ATP8A2: variants seen among roughly 807,000 people sequenced by gnomAD.
The protein encoded by ATP8A2 is ATPase phospholipid transporting 8A2.
A neutral mutation model predicts 165.6 loss-of-function variants in ATP8A2; 100 were observed. That is an observed-to-expected ratio of 0.60 (90% CI 0.51 to 0.71). The LOEUF (loss-of-function observed/expected upper bound fraction) is 0.71, where lower values mean the gene tolerates loss of function less well. Among genes scored for constraint, ATP8A2 ranks in the 30% least tolerant of loss-of-function variants. ATP8A2 has a pLI of 0.00. For missense variants in ATP8A2, 1,227 were observed against 1,479.5 expected (o/e 0.83, Z 2.80); for synonymous variants, 543 against 548.8 (o/e 0.99, Z 0.15).
intron 27 of ATP8A2, among the ~76,000 whole-genome samples, chr13:25,815,125 T>A (rs1170579006): frequency 2.0e-5 from 3 of 152,030 alleles, no homozygotes; most frequent in Non-Finnish European, 4.4e-5. Flanking sequence ...AGGGGACAGT[T>A]TCATGACATT....
chr13:25,735,267 G>C (rs1429384050), intron 25 of ATP8A2, among the ~76,000 whole-genome samples: 1 of 151,766 alleles, frequency 6.6e-6, no homozygotes, highest in Non-Finnish European at 1.5e-5. Context: ...GAAGTTTTTT[G>C]TTTTTGTTTT....
intron 15 of ATP8A2, among the ~76,000 whole-genome samples, chr13:25,563,613 G>A (rs777172992): frequency 2.0e-5 from 3 of 152,136 alleles, no homozygotes; most frequent in Non-Finnish European, 4.4e-5. Context: ...TTTGCTGTGA[G>A]CAGACACTCT....
At chr13:25,968,795 G>T in intron 35 of ATP8A2, 116 bp downstream of exon 35, 1 of 778,936 alleles carries the variant, frequency 1.3e-6, no homozygotes, top group Non-Finnish European at 2.1e-6. Context: ...AGTATGCTCA[G>T]GCTTAAGAAT....
intron 24 of ATP8A2, among the ~76,000 whole-genome samples, chr13:25,669,681 A>G (rs558844499): frequency 1.6e-4 from 25 of 151,670 alleles, no homozygotes; most frequent in Non-Finnish European, 3.5e-4. Context: ...TCTGTCCCTT[A>G]CTAGTTTTTA....
At chr13:25,828,620 A>T (rs1951379182) in intron 28 of ATP8A2, among the ~76,000 whole-genome samples, 1 of 152,224 alleles carries the variant, frequency 6.6e-6, no homozygotes, top group African/African-American at 2.4e-5. Flanking sequence ...CCTTCCTGAA[A>T]GGGTATCTGT....
chr13:25,967,480 G>C (rs973127015), intron 34 of ATP8A2, among the ~76,000 whole-genome samples: 7 of 152,122 alleles, frequency 4.6e-5, no homozygotes, highest in Admixed American at 3.3e-4. Flanking sequence ...GATTCTGCAG[G>C]AAGAGCCCAC....
intron 25 of ATP8A2, among the ~76,000 whole-genome samples, chr13:25,720,641 C>T (rs1329829558): frequency 6.6e-6 from 1 of 152,186 alleles, no homozygotes; most frequent in Non-Finnish European, 1.5e-5. Flanking sequence ...GGGACGTTTG[C>T]TGATGATGGC....
chr13:25,866,238 G>A (rs1345933479), intron 33 of ATP8A2, among the ~76,000 whole-genome samples: 1 of 152,130 alleles, frequency 6.6e-6, no homozygotes, highest in Non-Finnish European at 1.5e-5. Context: ...CCCCAGCTAT[G>A]ATAGTTACGT....
chr13:25,988,114 C>T (rs1956306529), intron 35 of ATP8A2, among the ~76,000 whole-genome samples: 1 of 152,238 alleles, frequency 6.6e-6, no homozygotes, highest in Non-Finnish European at 1.5e-5. Flanking sequence ...AGCGGCTCAG[C>T]CAGTTCATGG....
At chr13:25,512,787 A>AC (rs1376462461) in intron 2 of ATP8A2, among the ~76,000 whole-genome samples, 7 of 116,606 alleles carry the variant, frequency 6.0e-5, no homozygotes, top group East Asian at 2.7e-4. Flanking sequence ...CAGGGGGCTG[A>AC]CCCCCCCATC....
chr13:25,790,222 A>C (rs981322090), intron 27 of ATP8A2, among the ~76,000 whole-genome samples: 1 of 152,228 alleles, frequency 6.6e-6, no homozygotes, highest in Admixed American at 6.5e-5. Context: ...AAAATTGACA[A>C]ATGGGATCTA....
At chr13:25,578,990 C>T in intron 21 of ATP8A2, 91 bp downstream of exon 21, 1 of 853,666 alleles carries the variant, frequency 1.2e-6, no homozygotes, top group Non-Finnish European at 2.0e-6. Context: ...TCTTCCAGTG[C>T]CTGCCCCATC....
At chr13:25,972,617 A>G (rs367972359) in intron 35 of ATP8A2, among the ~76,000 whole-genome samples, 1 of 152,024 alleles carries the variant, frequency 6.6e-6, no homozygotes, top group East Asian at 1.9e-4. Flanking sequence ...GGAAGCAGGA[A>G]CCCCCCCGCA....
At chr13:25,427,629 C>G (rs1044469870) in intron 1 of ATP8A2, among the ~76,000 whole-genome samples, 2 of 152,128 alleles carry the variant, frequency 1.3e-5, no homozygotes, top group Non-Finnish European at 2.9e-5. Context: ...AGCACAGTGG[C>G]TCATGCCTGT....
At chr13:25,399,461 G>C (rs1237503268) in intron 1 of ATP8A2, among the ~76,000 whole-genome samples, 4 of 123,586 alleles carry the variant, frequency 3.2e-5, no homozygotes, top group Admixed American at 2.9e-4. Flanking sequence ...TGCAGTGGCG[G>C]GATCTCGGCT....
At position 25,754,268 on chromosome 13, in the gene ATP8A2, A is replaced by AT. The variant is rs11450411; in HGVS notation, c.2385-14778_2385-14777insT. On this transcript the variant is annotated intron_variant, in intron 25 of 36. Transcript: ENST00000381655. ...AATGTACATAGAAAACTGACGAAGA[A>AT]GAACTGGCCCTGGCCCTGAACAGAA... Among the ~76,000 whole-genome samples the AT allele has an allele frequency of 4.2e-3, 644 of 152,324 alleles. 7 individuals are homozygous for AT. Among genetic ancestry groups the AT allele is most frequent in the African/African-American group, 0.015 (619 of 41,550 alleles).
At chr13:25,706,568 G>A (rs1004579809) in intron 25 of ATP8A2, among the ~76,000 whole-genome samples, 3 of 152,198 alleles carry the variant, frequency 2.0e-5, no homozygotes, top group African/African-American at 7.2e-5. Flanking sequence ...TGTCAAAACA[G>A]AGTTCAGATG....
intron 27 of ATP8A2, among the ~76,000 whole-genome samples, chr13:25,805,533 A>G (rs1223070012): frequency 6.6e-6 from 1 of 152,132 alleles, no homozygotes; most frequent in African/African-American, 2.4e-5. Flanking sequence ...AAAGAAAAAG[A>G]GTAACAAAGT....
intron 33 of ATP8A2, chr13:25,863,192 C>A (rs1181754067): frequency 6.6e-6 from 1 of 152,420 alleles, no homozygotes; most frequent in African/African-American, 2.4e-5. Flanking sequence ...GCTGCTGGGC[C>A]CTGTACTTTA....
Sources: allele counts gnomAD v4.1 joint callset (sites outside exome capture counted in the v4.1 genomes callset), GRCh38; gene constraint gnomAD v4.1.1; transcripts MANE v1.5; gene names NCBI Gene and HGNC (gene_info 2026-07-23, HGNC 2026-07-21).